Variants in B3GALT1 observed in about 807,000 individuals in gnomAD.
B3GALT1 encodes the protein UDP-Gal:betaGlcNAc beta 1,3-galactosyltransferase, polypeptide 1.
Under a neutral mutation model 23.2 loss-of-function variants are expected in B3GALT1, and 10 were observed. The observed-to-expected ratio is 0.43, with a 90% CI of 0.27 to 0.73. The LOEUF is 0.73. Ranked by LOEUF, B3GALT1 falls within the 30% of genes least tolerant of loss-of-function variation. B3GALT1 has a pLI of 0.21. For synonymous variants in B3GALT1, 156 were observed against 141.5 expected (o/e 1.10, Z -0.73); for missense variants, 299 against 405.4 (o/e 0.74, Z 2.25).
At chr2:167,423,817 T>A (rs1284632642) in intron 1 of B3GALT1, among the ~76,000 whole-genome samples, 2 of 152,128 alleles carry the variant, frequency 1.3e-5, no homozygotes, top group African/African-American at 4.8e-5. Context: ...TAGAATATAA[T>A]TCCCCCCACT....
At chr2:167,483,646 T>C (rs1327889300) in intron 1 of B3GALT1, among the ~76,000 whole-genome samples, 1 of 152,206 alleles carries the variant, frequency 6.6e-6, no homozygotes. Flanking sequence ...AGATCAGTTG[T>C]TCCTCCACCA....
At chr2:167,621,438 A>G (rs1382512700) in intron 2 of B3GALT1, among the ~76,000 whole-genome samples, 1 of 151,996 alleles carries the variant, frequency 6.6e-6, no homozygotes, top group East Asian at 1.9e-4. Flanking sequence ...TATCAGAGGG[A>G]TTTTTAAGAA....
intron 1 of B3GALT1, among the ~76,000 whole-genome samples, chr2:167,397,857 G>A (rs1425900814): frequency 3.3e-5 from 5 of 152,024 alleles, no homozygotes; most frequent in Admixed American, 6.6e-5. Context: ...CCATTCCCAG[G>A]CAGTGTAATT....
intron 4 of B3GALT1, among the ~76,000 whole-genome samples, chr2:167,825,407 G>A (rs1689195941): frequency 6.7e-6 from 1 of 150,060 alleles, no homozygotes. Flanking sequence ...GGGCTCTCCA[G>A]AGAGAAAGAA....
At chr2:167,463,610 A>G (rs1055173339) in intron 1 of B3GALT1, among the ~76,000 whole-genome samples, 2 of 152,320 alleles carry the variant, frequency 1.3e-5, no homozygotes, top group Admixed American at 1.3e-4. Context: ...TGATAAAGCA[A>G]TAGCACATGT....
chr2:167,483,877 G>A (rs1391661146), intron 1 of B3GALT1, among the ~76,000 whole-genome samples: 2 of 152,140 alleles, frequency 1.3e-5, no homozygotes, highest in African/African-American at 4.8e-5. Context: ...GTATATTTAA[G>A]AGGAATGTAC....
chr2:167,368,721 G>A (rs1697630080), intron 1 of B3GALT1, among the ~76,000 whole-genome samples: 1 of 152,132 alleles, frequency 6.6e-6, no homozygotes, highest in African/African-American at 2.4e-5. Flanking sequence ...TCACAGTGAT[G>A]TCTCTAACTT....
intron 1 of B3GALT1, among the ~76,000 whole-genome samples, chr2:167,296,736 A>G (rs140725733): frequency 1.3e-5 from 2 of 152,324 alleles, no homozygotes; most frequent in South Asian, 2.1e-4. Flanking sequence ...GACTGTGTGA[A>G]TGAATACATA....
chr2:167,524,086 A>G (rs1199190715), intron 2 of B3GALT1, among the ~76,000 whole-genome samples: 2 of 152,220 alleles, frequency 1.3e-5, no homozygotes, highest in African/African-American at 4.8e-5. Flanking sequence ...AAATTGTACC[A>G]GTAGTTCACC....
At chr2:167,521,337 G>C (rs901090547) in intron 2 of B3GALT1, among the ~76,000 whole-genome samples, 3 of 152,006 alleles carry the variant, frequency 2.0e-5, no homozygotes, top group African/African-American at 7.2e-5. Flanking sequence ...TATTTTCCCT[G>C]ATCTTCTTGA....
At chr2:167,426,154 T>C (rs1698619231) in intron 1 of B3GALT1, among the ~76,000 whole-genome samples, 2 of 152,202 alleles carry the variant, frequency 1.3e-5, no homozygotes, top group Admixed American at 1.3e-4. Context: ...ACCAGGATGA[T>C]ACATTGGATT....
At chr2:167,527,863 A>T (rs903832881) in intron 2 of B3GALT1, among the ~76,000 whole-genome samples, 3 of 152,172 alleles carry the variant, frequency 2.0e-5, no homozygotes, top group African/African-American at 7.2e-5. Flanking sequence ...GTCTACTCTA[A>T]CCAGAAAAAG....
At chr2:167,357,175 C>T (rs1357069216) in intron 1 of B3GALT1, among the ~76,000 whole-genome samples, 1 of 151,796 alleles carries the variant, frequency 6.6e-6, no homozygotes, top group African/African-American at 2.4e-5. Context: ...ATGTGTAATA[C>T]CATTTTAGGT....
At chr2:167,396,605 A>G (rs1698102987) in intron 1 of B3GALT1, among the ~76,000 whole-genome samples, 1 of 150,776 alleles carries the variant, frequency 6.6e-6, no homozygotes, top group Non-Finnish European at 1.5e-5. Context: ...TATAATATAT[A>G]AATTATATTT....
rs1686912423 is a variant in B3GALT1, at chr2:167,703,470, C to T, written c.-352+56504C>T. 1.3e-4 allele frequency among the ~76,000 whole-genome samples: 19 copies of T among 148,900 alleles called. No individual in the cohort carries two copies. The Admixed American group carries it at 1.3e-3, about 10-fold the overall frequency. Reference sequence around the variant, plus strand: ...GAAACTTACGTTTTGTATTTTTTTTCTCTTTAACAGTTGGTACTGAAGGAT... The same window carrying T: ...GAAACTTACGTTTTGTATTTTTTTTTTCTTTAACAGTTGGTACTGAAGGAT... On this transcript the variant is annotated intron_variant, in intron 3 of 4. Transcript: ENST00000392690.
chr2:167,818,971 CT>C (rs1417456878), intron 4 of B3GALT1, among the ~76,000 whole-genome samples, 178 bp downstream of exon 4: 1 of 150,834 alleles, frequency 6.6e-6, no homozygotes, highest in Non-Finnish European at 1.5e-5. Flanking sequence ...GCAAAATATC[CT>C]TGCCATAAAA....
At chr2:167,400,660 G>A (rs1698173886) in intron 1 of B3GALT1, among the ~76,000 whole-genome samples, 1 of 152,096 alleles carries the variant, frequency 6.6e-6, no homozygotes, top group South Asian at 2.1e-4. Flanking sequence ...ATTCACTGTT[G>A]TAGACTTAAA....
intron 2 of B3GALT1, among the ~76,000 whole-genome samples, chr2:167,554,279 G>A (rs1337084046): frequency 1.3e-5 from 2 of 152,180 alleles, no homozygotes; most frequent in Non-Finnish European, 2.9e-5. Context: ...AAGCACTTAA[G>A]ATATGTCCTT....
intron 1 of B3GALT1, among the ~76,000 whole-genome samples, chr2:167,442,901 T>C (rs1413806730): frequency 2.1e-5 from 3 of 143,078 alleles, no homozygotes; most frequent in Non-Finnish European, 4.6e-5. Context: ...TTGTCAATTT[T>C]GGCTTTTGTT....
Sources: gnomAD v4.1 joint callset for allele counts (sites outside exome capture counted in the v4.1 genomes callset) on GRCh38, gnomAD v4.1.1 for gene constraint, MANE v1.5 for transcripts, NCBI Gene and HGNC (gene_info 2026-07-23, HGNC 2026-07-21) for gene names.